EIF3L: variants seen among roughly 807,000 people sequenced by gnomAD.
The protein encoded by EIF3L is eukaryotic translation initiation factor 3 subunit L, also known as eIEF associated protein HSPC021.
Under a neutral mutation model 74.6 loss-of-function variants are expected in EIF3L, and 32 were observed. The observed-to-expected ratio is 0.43, with a 90% CI of 0.32 to 0.58. The LOEUF is 0.58. EIF3L is among the 20% of genes least tolerant of loss of function. The probability of loss-of-function intolerance (pLI) is 0.06; values close to 1 mark genes in which losing one functional copy is unlikely to be tolerated. For missense variants in EIF3L, 474 were observed against 707.8 expected (o/e 0.67, Z 3.75); for synonymous variants, 256 against 254.4 (o/e 1.01, Z -0.06).
At chr22:37,850,838 G>A (rs998401094) in intron 2 of EIF3L, among the ~76,000 whole-genome samples, 1 of 152,180 alleles carries the variant, frequency 6.6e-6, no homozygotes, top group Non-Finnish European at 1.5e-5. Context: ...GTCTCCTAAA[G>A]AATAGAAAAT....
intron 7 of EIF3L, among the ~76,000 whole-genome samples, chr22:37,868,625 G>GCAT (rs1555915569): frequency 9.7e-5 from 6 of 61,718 alleles, no homozygotes; most frequent in Non-Finnish European, 1.9e-4. Flanking sequence ...GGCTATTTTT[G>GCAT]TTTTGGTGCT....
At chr22:37,858,381 C>T (rs913074257) in intron 4 of EIF3L, among the ~76,000 whole-genome samples, 2 of 151,754 alleles carry the variant, frequency 1.3e-5, no homozygotes, top group Non-Finnish European at 2.9e-5. Context: ...CGCACCACCA[C>T]GCTTGTCTAA....
chr22:37,855,412 G>A (rs1302693404), intron 3 of EIF3L, among the ~76,000 whole-genome samples, 153 bp from the exon 4 acceptor site: 3 of 152,186 alleles, frequency 2.0e-5, no homozygotes, highest in African/African-American at 4.8e-5. Flanking sequence ...GTGGAGTTGG[G>A]TTGAGGACAG....
chr22:37,863,896 T>G (rs1926000171), intron 7 of EIF3L, among the ~76,000 whole-genome samples: 2 of 152,138 alleles, frequency 1.3e-5, no homozygotes, highest in African/African-American at 4.8e-5. Context: ...AAACCCCGTC[T>G]CTACTGAAAG....
intron 5 of EIF3L, among the ~76,000 whole-genome samples, chr22:37,859,474 C>G (rs971851985): frequency 6.7e-6 from 1 of 148,592 alleles, no homozygotes; most frequent in Non-Finnish European, 1.5e-5. Context: ...CTCCACCTCC[C>G]AGGTTCACGC....
At chr22:37,873,770 G>T (rs1394952472) in intron 8 of EIF3L, among the ~76,000 whole-genome samples, 1 of 151,886 alleles carries the variant, frequency 6.6e-6, no homozygotes, top group Non-Finnish European at 1.5e-5. Context: ...ACAATCTCTG[G>T]TTATTCAGAT....
At chr22:37,865,431 G>A (rs942988947) in intron 7 of EIF3L, among the ~76,000 whole-genome samples, 2 of 151,864 alleles carry the variant, frequency 1.3e-5, no homozygotes, top group Non-Finnish European at 2.9e-5. Context: ...CTGCACTCCA[G>A]CCTGGCGACA....
intron 7 of EIF3L, among the ~76,000 whole-genome samples, chr22:37,868,693 A>G (rs1926312164): frequency 9.1e-6 from 1 of 109,480 alleles, no homozygotes; most frequent in South Asian, 3.3e-4. Context: ...CCCAGGCTGG[A>G]GTGCAATGGT....
At chr22:37,866,345 C>T (rs1333013532) in intron 7 of EIF3L, among the ~76,000 whole-genome samples, 1 of 152,144 alleles carries the variant, frequency 6.6e-6, no homozygotes, top group African/African-American at 2.4e-5. Context: ...TCAGTTTCCA[C>T]AATTACAGGC....
chr22:37,881,989 A>G (rs1253580285), intron 11 of EIF3L: 1 of 152,218 alleles, frequency 6.6e-6, no homozygotes. Flanking sequence ...CAACAAACCA[A>G]GACCCTGTCT....
intron 7 of EIF3L, among the ~76,000 whole-genome samples, chr22:37,865,046 T>A (rs1382608259): frequency 1.3e-5 from 2 of 152,228 alleles, no homozygotes; most frequent in African/African-American, 4.8e-5. Context: ...ATTATTCTTT[T>A]CCATCTTATT....
intron 2 of EIF3L, 36 bp from the exon 3 acceptor site, chr22:37,851,244 T>C (rs746488868): frequency 6.3e-7 from 1 of 1,589,472 alleles, no homozygotes; most frequent in South Asian, 1.1e-5. Flanking sequence ...TATGTGGGTT[T>C]GAGCATACTC....
At chr22:37,860,486 CCTCAG>C (rs1186733836) in intron 5 of EIF3L, among the ~76,000 whole-genome samples, 2 of 152,184 alleles carry the variant, frequency 1.3e-5, no homozygotes, top group East Asian at 3.9e-4. Context: ...GATTCTCCTT[CCTCAG>C]CCTCCTGAGT....
chr22:37,852,535 A>G (rs1265965954), intron 3 of EIF3L, among the ~76,000 whole-genome samples: 1 of 152,220 alleles, frequency 6.6e-6, no homozygotes, highest in Non-Finnish European at 1.5e-5. Flanking sequence ...AAGGAAATAG[A>G]ATTTAAGCAA....
At chr22:37,849,811 TC>T in intron 1 of EIF3L, 1 of 630,362 alleles carries the variant, frequency 1.6e-6, no homozygotes, top group Non-Finnish European at 2.8e-6. Flanking sequence ...TGTCCTTTGC[TC>T]CACCTCATTG....
At chr22:37,866,728 G>A (rs766413404) in intron 7 of EIF3L, among the ~76,000 whole-genome samples, 66 of 152,256 alleles carry the variant, frequency 4.3e-4, no homozygotes, top group Admixed American at 2.9e-3. Flanking sequence ...GGAGGTTGCA[G>A]TGAGCTGAGA....
chr22:37,868,984 C>G (rs913462467), intron 7 of EIF3L, among the ~76,000 whole-genome samples: 1 of 151,908 alleles, frequency 6.6e-6, no homozygotes, highest in Non-Finnish European at 1.5e-5. Context: ...ACCATGTTGG[C>G]CAAGCTGTTC....
At chr22:37,853,287 CAGA>C (rs1230196611) in intron 3 of EIF3L, among the ~76,000 whole-genome samples, 3 of 152,070 alleles carry the variant, frequency 2.0e-5, no homozygotes, top group Non-Finnish European at 2.9e-5. Context: ...GGGCACAAGG[CAGA>C]AGAAGAGAGG....
chr22:37,849,494 G>A lies in EIF3L; in HGVS notation c.33+12G>A. The stretch of plus-strand genomic sequence containing the variant: ...ATTATGAGTCTGAGGTAAGGTGGCC[G>A]TAAGGGCGCGGTGGGCTCCACGACG... On this transcript the variant is annotated intron_variant, in intron 1 of 12. Coordinates refer to ENST00000652021, the MANE Select transcript of EIF3L (RefSeq NM_016091.4). 6.3e-7 allele frequency: 1 copy of A among 1,587,326 alleles called. No individual in the cohort carries two copies. Among genetic ancestry groups the A allele is most frequent in the Middle Eastern group, 1.7e-4 (1 of 5,988 alleles).
Sources: allele counts gnomAD v4.1 joint callset (sites outside exome capture counted in the v4.1 genomes callset), GRCh38; gene constraint gnomAD v4.1.1; transcripts MANE v1.5; gene names NCBI Gene and HGNC (gene_info 2026-07-23, HGNC 2026-07-21).